The following RASA2 variants were observed in gnomAD, a reference collection of about 807,000 sequenced individuals.
The protein encoded by RASA2 is ras GTPase-activating protein 2.
In RASA2, 155 loss-of-function variants were observed where a neutral mutation model predicts 118.2. That is an observed-to-expected ratio of 1.31 (90% CI 1.15 to 1.50). RASA2 has a LOEUF of 1.50. Ranked by LOEUF, RASA2 falls within the 40% of genes most tolerant of loss-of-function variation. The pLI is 0.00. For synonymous variants in RASA2, 353 were observed against 349.1 expected, an observed-to-expected ratio of 1.01 and a Z score of -0.12; for missense variants, 1,016 against 1,009.6, an observed-to-expected ratio of 1.01 and a Z score of -0.09.
At chr3:141,580,873 C>T (rs1046517041) in intron 16 of RASA2, among the ~76,000 whole-genome samples, 12 of 148,002 alleles carry the variant, frequency 8.1e-5, no homozygotes, top group African/African-American at 2.5e-4. Flanking sequence ...AACTGCTAAA[C>T]AAGACAAGAG....
chr3:141,609,516 G>T lies in RASA2; in HGVS notation c.2322G>T (p.Lys774Asn), dbSNP rs1254670041. 3 of 1,571,600 alleles carry T rather than the reference G, an allele frequency of 1.9e-6. No homozygotes were observed. In the South Asian group the frequency reaches 3.4e-5, roughly 18 times the overall value. Reference sequence around the variant, plus strand: ...CCCTCAGTTTACTTAAGCTGCAGAAGATGGAAGGTAAATACACAATCTATT... The same window carrying T: ...CCCTCAGTTTACTTAAGCTGCAGAATATGGAAGGTAAATACACAATCTATT... Reference protein sequence around the residue: ...LFTLSLLKLQKMEEACGTIAV... With the variant: ...LFTLSLLKLQNMEEACGTIAV... Residue 774 changes from lysine to asparagine, a missense_variant, in exon 22 of 24, where the codon AAG (lysine) becomes AAT (asparagine). Physicochemically the swap from Lys to Asn is moderately conservative, Grantham distance 94 (BLOSUM62 0). Coordinates refer to ENST00000286364, the MANE Select transcript of RASA2 (RefSeq NM_006506.5).
At chr3:141,578,503 G>A (rs1473545033) in intron 15 of RASA2, 2 of 152,144 alleles carry the variant, frequency 1.3e-5, no homozygotes, top group African/African-American at 2.4e-5. Context: ...TTCTCTCAAC[G>A]GCTACATGAC....
intron 17 of RASA2, among the ~76,000 whole-genome samples, chr3:141,581,450 A>G (rs191033820): frequency 6.6e-6 from 1 of 152,198 alleles, no homozygotes. Context: ...AAGTGACACT[A>G]TTGGCATTTG....
intron 1 of RASA2, 45 bp downstream of exon 1, chr3:141,487,261 G>A: frequency 1.6e-6 from 2 of 1,269,016 alleles, no homozygotes; most frequent in Non-Finnish European, 2.0e-6. Context: ...GGCGCTGGGC[G>A]CGAGGCTGAG....
chr3:141,496,175 G>C (rs994014541), intron 1 of RASA2, among the ~76,000 whole-genome samples: 14 of 152,146 alleles, frequency 9.2e-5, no homozygotes, highest in Admixed American at 2.0e-4. Context: ...ATTCAAGATG[G>C]ATTAAAGACT....
intron 4 of RASA2, among the ~76,000 whole-genome samples, chr3:141,531,582 A>G (rs2082261545): frequency 1.3e-5 from 2 of 151,962 alleles, no homozygotes; most frequent in South Asian, 4.1e-4. Context: ...TTTGAGAGAT[A>G]TATATCTCAT....
chr3:141,528,128 C>T (rs1000512021), intron 3 of RASA2, among the ~76,000 whole-genome samples: 4 of 151,530 alleles, frequency 2.6e-5, no homozygotes, highest in South Asian at 2.1e-4. Flanking sequence ...AGGCCTCCTT[C>T]GATTGTATTT....
At chr3:141,500,775 A>G (rs1264864884) in intron 1 of RASA2, among the ~76,000 whole-genome samples, 1 of 152,214 alleles carries the variant, frequency 6.6e-6, no homozygotes, top group Non-Finnish European at 1.5e-5. Flanking sequence ...TAAACTGGCA[A>G]TAAGTGTTAA....
chr3:141,512,729 A>G (rs2081968823), intron 2 of RASA2, among the ~76,000 whole-genome samples: 1 of 152,222 alleles, frequency 6.6e-6, no homozygotes, highest in African/African-American at 2.4e-5. Context: ...ACATAATTCT[A>G]GTGCAGAGTT....
intron 1 of RASA2, among the ~76,000 whole-genome samples, chr3:141,502,160 C>T (rs2081793098): frequency 6.6e-6 from 1 of 152,126 alleles, no homozygotes; most frequent in South Asian, 2.1e-4. Context: ...TACTTCTGGT[C>T]CTAAGCATTT....
chr3:141,576,726 G>A (rs758713434), intron 14 of RASA2, among the ~76,000 whole-genome samples: 1 of 152,154 alleles, frequency 6.6e-6, no homozygotes, highest in South Asian at 2.1e-4. Context: ...CTTCTTGCAG[G>A]TGAGGAAAGA....
intron 4 of RASA2, among the ~76,000 whole-genome samples, chr3:141,530,345 T>C (rs1012412617): frequency 6.6e-6 from 1 of 152,258 alleles, no homozygotes; most frequent in African/African-American, 2.4e-5. Flanking sequence ...TTTTCCAAAA[T>C]AAGAGACCTT....
chr3:141,540,524 T>G lies in RASA2; in HGVS notation c.451-9T>G. The G allele has an allele frequency of 6.2e-7, 1 of 1,601,334 alleles. No homozygotes were observed. Among genetic ancestry groups the G allele is most frequent in the Non-Finnish European group, 8.5e-7 (1 of 1,169,732 alleles). ...GACTACTCAGTTTGTAATCTTTTTG[T>G]CATTATAGGGTAAAGTTCACCTTGA... On this transcript the variant is annotated splice_polypyrimidine_tract_variant and intron_variant, in intron 4 of 23. Coordinates refer to ENST00000286364, the MANE Select transcript of RASA2 (RefSeq NM_006506.5).
intron 3 of RASA2, among the ~76,000 whole-genome samples, chr3:141,520,011 C>CTTTTTTTT (rs559634060): frequency 3.6e-5 from 4 of 109,774 alleles, no homozygotes; most frequent in Non-Finnish European, 5.4e-5. Context: ...TTCTTTTTCT[C>CTTTTTTTT]TTTTTTTTTT....
At chr3:141,503,441 A>G (rs1404722958) in intron 1 of RASA2, among the ~76,000 whole-genome samples, 2 of 152,224 alleles carry the variant, frequency 1.3e-5, no homozygotes, top group East Asian at 1.9e-4. Context: ...GATCTTGTAC[A>G]TAGAGAGTTG....
intron 3 of RASA2, among the ~76,000 whole-genome samples, chr3:141,526,705 A>G (rs1193302992): frequency 6.6e-6 from 1 of 152,172 alleles, no homozygotes; most frequent in Non-Finnish European, 1.5e-5. Flanking sequence ...AGATCTTTAC[A>G]TATCAGAAAC....
At chr3:141,572,250 C>T (rs2082936245) in intron 11 of RASA2, among the ~76,000 whole-genome samples, 1 of 151,850 alleles carries the variant, frequency 6.6e-6, no homozygotes, top group Non-Finnish European at 1.5e-5. Context: ...CGCCACCACG[C>T]CCAGCTAATT....
chr3:141,586,192 T>C, intron 18 of RASA2, 94 bp downstream of exon 18: 1 of 1,219,458 alleles, frequency 8.2e-7, no homozygotes. Flanking sequence ...AGATCTGGCT[T>C]TGTGTGCTGT....
chr3:141,608,762 T>C, intron 21 of RASA2, 65 bp downstream of exon 21: 1 of 1,492,342 alleles, frequency 6.7e-7, no homozygotes, highest in African/African-American at 1.4e-5. Flanking sequence ...AATGTTAATA[T>C]TATTTGTCCA....
Sources: gnomAD v4.1 joint callset for allele counts (sites outside exome capture counted in the v4.1 genomes callset) on GRCh38, gnomAD v4.1.1 for gene constraint, MANE v1.5 for transcripts, NCBI Gene and HGNC (gene_info 2026-07-23, HGNC 2026-07-21) for gene names.